The following MSRA variants were observed in gnomAD, a reference collection of about 807,000 sequenced individuals.
MSRA encodes the protein methionine sulfoxide reductase A, also known as mitochondrial peptide methionine sulfoxide reductase.
Under a neutral mutation model 31.3 loss-of-function variants are expected in MSRA, and 54 were observed. The ratio of observed to expected loss-of-function variants is 1.73; its 90% CI spans 1.39 to 2.17. The LOEUF is 2.17. Ranked by LOEUF, MSRA falls within the 30% of genes most tolerant of loss-of-function variation. The probability of loss-of-function intolerance (pLI) is 0.00; values close to 1 mark genes in which losing one functional copy is unlikely to be tolerated. For missense variants in MSRA, 507 were observed against 300.9 expected (o/e 1.69, Z -5.07); for synonymous variants, 169 against 116.5 (o/e 1.45, Z -2.90).
chr8:10,214,092 T>C (rs1384099551), intron 2 of MSRA, among the ~76,000 whole-genome samples: 1 of 152,200 alleles, frequency 6.6e-6, no homozygotes, highest in Non-Finnish European at 1.5e-5. Flanking sequence ...GGTCAGATTC[T>C]CTGAAGATTC....
At chr8:10,305,564 C>G (rs761103339) in intron 4 of MSRA, among the ~76,000 whole-genome samples, 2 of 152,118 alleles carry the variant, frequency 1.3e-5, no homozygotes, top group African/African-American at 4.8e-5. Flanking sequence ...CAGGCATCCG[C>G]CACCACACCC....
At chr8:10,079,892 A>G (rs1798196037) in intron 1 of MSRA, among the ~76,000 whole-genome samples, 1 of 152,088 alleles carries the variant, frequency 6.6e-6, no homozygotes, top group East Asian at 1.9e-4. Context: ...CTGTTCATAA[A>G]TTTGCTACTT....
chr8:10,148,705 G>A (rs979254384), intron 1 of MSRA, among the ~76,000 whole-genome samples: 1 of 148,030 alleles, frequency 6.8e-6, no homozygotes, highest in Non-Finnish European at 1.5e-5. Flanking sequence ...GGGAGGCCGA[G>A]GCAGGAGGAT....
intron 1 of MSRA, among the ~76,000 whole-genome samples, chr8:10,125,071 G>A (rs746006967): frequency 6.6e-6 from 1 of 152,222 alleles, no homozygotes. Flanking sequence ...GTTGCTCTGT[G>A]TCTGTCATTA....
At chr8:10,305,404 T>C (rs1040016889) in intron 4 of MSRA, among the ~76,000 whole-genome samples, 6 of 139,682 alleles carry the variant, frequency 4.3e-5, no homozygotes, top group African/African-American at 1.4e-4. Context: ...CCATGTGTTT[T>C]CTTCCTTTTT....
intron 5 of MSRA, among the ~76,000 whole-genome samples, chr8:10,413,233 C>T (rs1808260123): frequency 1.3e-5 from 2 of 152,152 alleles, no homozygotes; most frequent in South Asian, 2.1e-4. Context: ...TGTGCTCTAG[C>T]GCACACACAG....
At chr8:10,268,609 A>G (rs1047235849) in intron 3 of MSRA, among the ~76,000 whole-genome samples, 1 of 152,262 alleles carries the variant, frequency 6.6e-6, no homozygotes, top group Non-Finnish European at 1.5e-5. Flanking sequence ...TTGACTAACT[A>G]TACAATCAAA....
chr8:10,067,193 C>CAAGTGGATGCAA (rs1797497579), intron 1 of MSRA, among the ~76,000 whole-genome samples: 1 of 152,152 alleles, frequency 6.6e-6, no homozygotes, highest in African/African-American at 2.4e-5. Context: ...TTCCCAAGAA[C>CAAGTGGATGCAA]CCCTTGCAAC....
intron 1 of MSRA, among the ~76,000 whole-genome samples, chr8:10,102,047 C>G (rs922271905): frequency 2.0e-5 from 3 of 152,164 alleles, no homozygotes; most frequent in South Asian, 2.1e-4. Context: ...CTTTTTCTCT[C>G]ACTACTTTCA....
intron 5 of MSRA, among the ~76,000 whole-genome samples, chr8:10,366,416 G>A (rs1227660944): frequency 6.6e-6 from 1 of 152,266 alleles, no homozygotes; most frequent in East Asian, 1.9e-4. Context: ...GCCAGGCCTT[G>A]TGCAGGCTCT....
At chr8:10,252,441 G>C (rs960248022) in intron 3 of MSRA, among the ~76,000 whole-genome samples, 2 of 152,132 alleles carry the variant, frequency 1.3e-5, no homozygotes, top group Admixed American at 6.5e-5. Context: ...TGAGTCCTGG[G>C]GTTTCCTGAT....
chr8:10,172,625 A>G (rs1401285438), intron 1 of MSRA, among the ~76,000 whole-genome samples: 1 of 152,142 alleles, frequency 6.6e-6, no homozygotes, highest in East Asian at 1.9e-4. Context: ...GGCAAAAGAA[A>G]TGGCTCCACT....
intron 5 of MSRA, among the ~76,000 whole-genome samples, chr8:10,402,728 G>T (rs979959855): frequency 1.3e-5 from 2 of 152,176 alleles, no homozygotes; most frequent in African/African-American, 4.8e-5. Flanking sequence ...GTTGCAGATG[G>T]CCAAGCTCTT....
rs556909187 is a variant in MSRA at position 10,300,509 on chromosome 8, G to A, written c.332-1025G>A. On this transcript the variant is annotated intron_variant, in intron 3 of 5. Coordinates refer to ENST00000317173, the MANE Select transcript of MSRA (RefSeq NM_012331.5). ...GACCTCAAGTGATCCGCCTGCCTTG[G>A]CCTCCCAAAGTGCTGGGATTACAGG... 2.0e-5 allele frequency among the ~76,000 whole-genome samples: 3 copies of A among 152,162 alleles called. No individual in the cohort carries two copies. In the South Asian group the frequency reaches 6.2e-4, roughly 32 times the overall value.
intron 1 of MSRA, among the ~76,000 whole-genome samples, chr8:10,158,484 A>G (rs934281866): frequency 7.9e-5 from 12 of 152,194 alleles, no homozygotes; most frequent in African/African-American, 2.9e-4. Flanking sequence ...TATGTGGCCT[A>G]TTGGCTTCTT....
intron 3 of MSRA, among the ~76,000 whole-genome samples, chr8:10,251,185 C>G (rs1054101284): frequency 7.3e-5 from 11 of 151,502 alleles, no homozygotes; most frequent in East Asian, 1.9e-4. Context: ...AATTTCCCCA[C>G]TAATGTAAGA....
intron 1 of MSRA, among the ~76,000 whole-genome samples, chr8:10,200,357 C>A (rs1808388455): frequency 6.6e-6 from 1 of 152,214 alleles, no homozygotes; most frequent in African/African-American, 2.4e-5. Context: ...CCCCCACTTG[C>A]ATATGGTCCC....
intron 5 of MSRA, among the ~76,000 whole-genome samples, chr8:10,375,711 C>T (rs1211860419): frequency 6.6e-6 from 1 of 152,186 alleles, no homozygotes; most frequent in Admixed American, 6.5e-5. Context: ...GTACACCATG[C>T]TGGTGCCTGC....
At chr8:10,257,430 G>C (rs1006188803) in intron 3 of MSRA, among the ~76,000 whole-genome samples, 12 of 152,086 alleles carry the variant, frequency 7.9e-5, no homozygotes, top group Non-Finnish European at 8.8e-5. Flanking sequence ...TTTTGAGATG[G>C]AGTTTCGCTC....
Sources: allele counts gnomAD v4.1 joint callset (sites outside exome capture counted in the v4.1 genomes callset), GRCh38; gene constraint gnomAD v4.1.1; transcripts MANE v1.5; gene names NCBI Gene and HGNC (gene_info 2026-07-23, HGNC 2026-07-21).